NRG3: variants seen among roughly 807,000 people sequenced by gnomAD.
NRG3 encodes pro-neuregulin-3, membrane-bound isoform.
A neutral mutation model predicts 66.9 loss-of-function variants in NRG3; 31 were observed. The observed-to-expected ratio is 0.46, with a 90% CI of 0.35 to 0.63. The LOEUF is 0.63. Ranked by LOEUF, NRG3 falls within the 20% of genes least tolerant of loss-of-function variation. The probability of loss-of-function intolerance (pLI) is 0.00; values close to 1 mark genes in which losing one functional copy is unlikely to be tolerated. For synonymous variants in NRG3, 393 were observed against 359.4 expected, an observed-to-expected ratio of 1.09 and a Z score of -1.06; for missense variants, 910 against 878.9, an observed-to-expected ratio of 1.04 and a Z score of -0.45.
At chr10:81,905,443 C>G (rs933493028) in intron 1 of NRG3, among the ~76,000 whole-genome samples, 1 of 152,100 alleles carries the variant, frequency 6.6e-6, no homozygotes, top group African/African-American at 2.4e-5. Flanking sequence ...TCTCTATTAC[C>G]GGGCATTTTT....
At chr10:82,966,257 A>G (rs7071298) in intron 6 of NRG3, among the ~76,000 whole-genome samples, 2,028 of 152,258 alleles carry the variant, frequency 0.013, 45 homozygotes, top group African/African-American at 0.046. Context: ...GTACCGCATT[A>G]CATCTAATAT....
intron 4 of NRG3, among the ~76,000 whole-genome samples, chr10:82,866,026 G>T (rs115041805): frequency 6.6e-6 from 1 of 152,034 alleles, no homozygotes; most frequent in Non-Finnish European, 1.5e-5. Context: ...CCTTCCATGG[G>T]CATTGTTTTT....
At chr10:82,036,682 T>C (rs2062805983) in intron 1 of NRG3, among the ~76,000 whole-genome samples, 1 of 152,066 alleles carries the variant, frequency 6.6e-6, no homozygotes, top group Admixed American at 6.6e-5. Context: ...AAGCACAGTG[T>C]TATATAGCAG....
chr10:82,745,336 G>C (rs1353943983), intron 3 of NRG3, among the ~76,000 whole-genome samples: 1 of 152,144 alleles, frequency 6.6e-6, no homozygotes, highest in Non-Finnish European at 1.5e-5. Context: ...GAATAAATTA[G>C]ATAGAGGAAA....
chr10:82,183,375 A>G (rs1175939906), intron 1 of NRG3, among the ~76,000 whole-genome samples: 1 of 151,838 alleles, frequency 6.6e-6, no homozygotes, highest in African/African-American at 2.4e-5. Flanking sequence ...ATAATTTCAA[A>G]TGACCTTTCT....
intron 1 of NRG3, among the ~76,000 whole-genome samples, chr10:82,207,242 T>C (rs1330007553): frequency 6.6e-6 from 1 of 152,176 alleles, no homozygotes; most frequent in East Asian, 1.9e-4. Flanking sequence ...TGAAATATTA[T>C]TTTTGGCACT....
intron 1 of NRG3, among the ~76,000 whole-genome samples, chr10:82,085,420 A>T (rs1036952274): frequency 1.3e-4 from 20 of 152,012 alleles, no homozygotes; most frequent in African/African-American, 4.4e-4. Flanking sequence ...GAACAGATTT[A>T]TTTATATTGT....
chr10:81,982,805 T>TGTCC (rs1372488871), intron 1 of NRG3, among the ~76,000 whole-genome samples: 10 of 152,232 alleles, frequency 6.6e-5, no homozygotes, highest in African/African-American at 2.4e-4. Context: ...TGTCTCCAAA[T>TGTCC]ACAGTCACAT....
At chr10:82,763,579 G>A (rs534521225) in intron 3 of NRG3, among the ~76,000 whole-genome samples, 106 of 151,842 alleles carry the variant, frequency 7.0e-4, no homozygotes, top group Middle Eastern at 3.4e-3. Flanking sequence ...ATTAATATAC[G>A]AGTAAAGAAC....
In NRG3 at chr10:82,630,388, G is replaced by C. The variant is rs573281603; in HGVS notation, c.954-108189G>C. On this transcript the variant is annotated intron_variant, in intron 2 of 8. Transcript: ENST00000372141. ...TTTTTTTTTTCAGATAAAAATAGCA[G>C]TAACTAATTAAGAAATCCTGGATCA... Among the ~76,000 whole-genome samples, 50 of 143,440 alleles carry C rather than the reference G, an allele frequency of 3.5e-4. No individual in the cohort carries two copies. The East Asian group carries it at 8.5e-3, about 24-fold the overall frequency. The allele number at this position is 143,440 out of a possible 152,430, so 94.1% of individuals were successfully genotyped here.
chr10:82,815,091 A>T (rs2061650662), intron 3 of NRG3, among the ~76,000 whole-genome samples: 1 of 152,214 alleles, frequency 6.6e-6, no homozygotes, highest in African/African-American at 2.4e-5. Flanking sequence ...TGGTTTAAAG[A>T]AGTATCTTCC....
chr10:82,618,788 A>G (rs976057535), intron 2 of NRG3, among the ~76,000 whole-genome samples: 3 of 152,130 alleles, frequency 2.0e-5, no homozygotes, highest in Non-Finnish European at 4.4e-5. Flanking sequence ...ATAATTATAT[A>G]ATGATAGTAT....
At chr10:82,440,960 G>A (rs1039576577) in intron 2 of NRG3, among the ~76,000 whole-genome samples, 2 of 152,160 alleles carry the variant, frequency 1.3e-5, no homozygotes, top group African/African-American at 4.8e-5. Flanking sequence ...TTTAGAAAAT[G>A]TGCACATATT....
intron 1 of NRG3, among the ~76,000 whole-genome samples, chr10:82,119,819 A>C (rs932690444): frequency 6.6e-6 from 1 of 152,198 alleles, no homozygotes; most frequent in East Asian, 1.9e-4. Flanking sequence ...GTGTTACAGT[A>C]TTTCTAAAAT....
intron 4 of NRG3, among the ~76,000 whole-genome samples, chr10:82,938,279 C>T (rs1848266716): frequency 6.6e-6 from 1 of 152,196 alleles, no homozygotes; most frequent in African/African-American, 2.4e-5. Flanking sequence ...TGAACGTACA[C>T]AGATCTAGCT....
At chr10:82,312,586 G>A (rs770140565) in intron 1 of NRG3, among the ~76,000 whole-genome samples, 28 of 152,170 alleles carry the variant, frequency 1.8e-4, no homozygotes, top group African/African-American at 6.3e-4. Context: ...GTAAATGTTG[G>A]GCTTCTGTTC....
At chr10:82,653,904 A>G (rs1267421679) in intron 2 of NRG3, among the ~76,000 whole-genome samples, 6 of 152,212 alleles carry the variant, frequency 3.9e-5, no homozygotes, top group Non-Finnish European at 1.5e-5. Flanking sequence ...AATGCCACAC[A>G]CATACACTTC....
At chr10:82,734,388 T>C (rs1388574750) in intron 2 of NRG3, among the ~76,000 whole-genome samples, 1 of 152,192 alleles carries the variant, frequency 6.6e-6, no homozygotes, top group Non-Finnish European at 1.5e-5. Flanking sequence ...AACCAAGTGA[T>C]TGGAGCTTTG....
At chr10:82,767,225 T>C (rs1031559639) in intron 3 of NRG3, among the ~76,000 whole-genome samples, 1 of 151,982 alleles carries the variant, frequency 6.6e-6, no homozygotes, top group Non-Finnish European at 1.5e-5. Flanking sequence ...GGAGCACCCA[T>C]CTATCACACA....
Sources: allele counts gnomAD v4.1 joint callset (sites outside exome capture counted in the v4.1 genomes callset), GRCh38; gene constraint gnomAD v4.1.1; transcripts MANE v1.5; gene names NCBI Gene and HGNC (gene_info 2026-07-23, HGNC 2026-07-21).